The following MEIS3 variants were observed in gnomAD, a reference collection of about 807,000 sequenced individuals.
MEIS3 encodes the protein Meis homeobox 3.
Under a neutral mutation model 51.4 loss-of-function variants are expected in MEIS3, and 38 were observed. That is an observed-to-expected ratio of 0.74 (90% CI 0.57 to 0.97). The LOEUF (loss-of-function observed/expected upper bound fraction) is 0.97, where lower values mean the gene tolerates loss of function less well. MEIS3 is among the 50% of genes least tolerant of loss of function. MEIS3 has a pLI of 0.00. For synonymous variants in MEIS3, 198 were observed against 201.8 expected, an observed-to-expected ratio of 0.98 and a Z score of 0.16; for missense variants, 456 against 502.6, an observed-to-expected ratio of 0.91 and a Z score of 0.89.
chr19:47,419,614 A>T (rs117390197), upstream of MEIS3: 1 of 55,956 alleles, frequency 1.8e-5, no homozygotes, highest in African/African-American at 8.3e-5. Flanking sequence ...AGCACGAGGG[A>T]TTGGGGTTAG....
rs148540760 is a variant in MEIS3 at position 47,416,535 on chromosome 19, T to C, written c.396+117A>G. The C allele has an allele frequency of 2.8e-4, 226 of 811,122 alleles. No individual in the cohort carries two copies. The East Asian group carries it at 5.3e-3, about 19-fold the overall frequency. The allele number at this position is 811,122 out of a possible 1,614,324, so 50.2% of individuals were successfully genotyped here. A position where few individuals can be genotyped will look rare whatever the true frequency, so the allele number is the denominator to read the frequency against. On this transcript the variant is annotated intron_variant, in intron 4 of 12. Transcript: ENST00000558555. ...GCACGTGGGCAACAATCATGACGGTTTGGGGACATGGACCAGGTGGCCTTC... is the reference window on the plus strand; with the variant it reads ...GCACGTGGGCAACAATCATGACGGTCTGGGGACATGGACCAGGTGGCCTTC...
At chr19:47,414,689 C>T (rs556628730) in intron 6 of MEIS3, 28 bp downstream of exon 6, 30 of 1,561,322 alleles carry the variant, frequency 1.9e-5, no homozygotes, top group East Asian at 1.4e-4. Context: ...GGCTGCAGGA[C>T]GATGCCTGGT....
chr19:47,417,891 C>T lies in MEIS3; in HGVS notation c.13-541G>A, dbSNP rs1225979402. 12 of 590,068 alleles carry T rather than the reference C, an allele frequency of 2.0e-5. No individual in the cohort carries two copies. In the Middle Eastern group the frequency reaches 1.3e-3, roughly 64 times the overall value. 36.6% of individuals were successfully genotyped at this position (590,068 alleles called of 1,614,324 possible). A position where few individuals can be genotyped will look rare whatever the true frequency, so the allele number is the denominator to read the frequency against. ...CCATACACACCAACCCACGTGCACA[C>T]TCATGTGTCAGTCACACCCAAATCC... On this transcript the variant is annotated intron_variant, in intron 1 of 12. Coordinates refer to ENST00000558555, the MANE Select transcript of MEIS3 (RefSeq NM_001301059.2).
chr19:47,420,702 T>C (rs1971675797), upstream of MEIS3, among the ~76,000 whole-genome samples: 1 of 150,792 alleles, frequency 6.6e-6, no homozygotes, highest in African/African-American at 2.4e-5. Flanking sequence ...CATAAATCTT[T>C]CTAATTAAAG....
At chr19:47,417,758 CCT>C (rs1251123234) in intron 1 of MEIS3, 2 of 651,280 alleles carry the variant, frequency 3.1e-6, no homozygotes, top group Admixed American at 4.7e-5. Flanking sequence ...ACGAAGCCTC[CCT>C]GTCTTCTATT....
upstream of MEIS3, among the ~76,000 whole-genome samples, chr19:47,420,667 A>C (rs1971674954): frequency 6.6e-6 from 1 of 151,698 alleles, no homozygotes; most frequent in Non-Finnish European, 1.5e-5. Context: ...CCCCAAAACA[A>C]GAGCAGGGGG....
rs1288308469 is a variant in MEIS3, at chr19:47,419,222, C to T, written c.-141G>A. On this transcript the variant is annotated 5_prime_UTR_variant, in exon 1 of 13. Transcript: ENST00000558555. ...AGGCCAGGCGCGCGCCCCCCCACCCCCGCCGCCGTCAGCGGCAGGCGCCGG... is the reference window on the plus strand; with the variant it reads ...AGGCCAGGCGCGCGCCCCCCCACCCTCGCCGCCGTCAGCGGCAGGCGCCGG... The T allele has an allele frequency of 2.0e-6, 1 of 494,156 alleles. No individual in the cohort carries two copies. Among genetic ancestry groups the T allele is most frequent in the East Asian group, 4.1e-5 (1 of 24,518 alleles). The allele number at this position is 494,156 out of a possible 1,614,324, so 30.6% of individuals were successfully genotyped here. A position where few individuals can be genotyped will look rare whatever the true frequency, so the allele number is the denominator to read the frequency against.
In MEIS3 at chr19:47,416,888, G is replaced by A. The variant is rs555035952; in HGVS notation, c.261C>T (p.Ala87=). Residue 87 remains alanine (A), a synonymous_variant, in exon 3 of 13, where the codon GCC becomes GCT. Transcript: ENST00000558555. ...CAGGGGGTGTCCCCAGCCCAGCTCC[G>A]GCCCCGTCACGGGGAGAGCATGTAG... ...ELATCSPRDG[A]GAGLGTPPGG... The A allele has an allele frequency of 1.0e-4, 164 of 1,613,784 alleles. 1 individual carries two copies. The South Asian group carries it at 1.4e-3, about 14-fold the overall frequency.
intron 1 of MEIS3, 86 bp from the exon 2 acceptor site, chr19:47,417,436 A>T: frequency 3.4e-6 from 5 of 1,478,106 alleles, no homozygotes; most frequent in African/African-American, 1.4e-5. Flanking sequence ...CTATCCTGGA[A>T]CCCAGGAGAT....
chr19:47,416,734 T>C, intron 3 of MEIS3, 32 bp from the exon 4 acceptor site: 1 of 1,609,622 alleles, frequency 6.2e-7, no homozygotes, highest in South Asian at 1.1e-5. Flanking sequence ...GGCAGGGGGA[T>C]GTCCCGCCTT....
intron 5 of MEIS3, 34 bp downstream of exon 5, chr19:47,415,017 C>T: frequency 1.3e-6 from 2 of 1,526,124 alleles, no homozygotes; most frequent in Non-Finnish European, 1.8e-6. Context: ...ATGACAGGGG[C>T]AAGTGAGGGT....
In MEIS3 at chr19:47,409,450, T is replaced by C. The variant is rs1971013482; in HGVS notation, c.695A>G (p.Asn232Ser). Residue 232 changes from asparagine (N) to serine (S), a missense_variant, in exon 7 of 13, where the codon AAC becomes AGC. Physicochemically the swap from Asn to Ser is conservative, Grantham distance 46. Coordinates refer to ENST00000558555, the MANE Select transcript of MEIS3 (RefSeq NM_001301059.2). ...AAGATTCTCACCTTGGTCACTGGAG[T>C]TGTCCCCACTCTGGGAGGCCAGGCC... ...SGGLASQSGD[N>S]SSDQGDGLDT... is the part of the protein sequence containing the mutation. 1 of 1,613,782 alleles carries C rather than the reference T, an allele frequency of 6.2e-7. No homozygotes were observed. Among genetic ancestry groups the C allele is most frequent in the African/African-American group, 1.3e-5 (1 of 75,040 alleles).
intron 12 of MEIS3, chr19:47,405,902 G>A (rs1297556127): frequency 6.5e-6 from 1 of 152,976 alleles, no homozygotes; most frequent in African/African-American, 2.4e-5. Flanking sequence ...GTGTATGTAG[G>A]TATGGATGGA....
chr19:47,410,458 A>G (rs964559085), intron 6 of MEIS3, among the ~76,000 whole-genome samples: 3 of 151,514 alleles, frequency 2.0e-5, no homozygotes, highest in Admixed American at 6.6e-5. Context: ...GTCTCAAAAA[A>G]AAAAAAAAAA....
At chr19:47,407,238 G>C in intron 9 of MEIS3, 101 bp from the exon 10 acceptor site, 2 of 1,484,438 alleles carry the variant, frequency 1.3e-6, no homozygotes, top group South Asian at 1.3e-5. Context: ...GGGGGAGGCA[G>C]AGCGGGGCGA....
chr19:47,420,586 T>TGAGACAGACAGA (rs1971671527), upstream of MEIS3, among the ~76,000 whole-genome samples: 1 of 62,346 alleles, frequency 1.6e-5, no homozygotes, highest in Non-Finnish European at 3.3e-5. Flanking sequence ...GCAGACAGAG[T>TGAGACAGACAGA]GAGACAGACA....
At chr19:47,417,800 AGAGT>A (rs1463774322) in intron 1 of MEIS3, 1 of 628,078 alleles carries the variant, frequency 1.6e-6, no homozygotes, top group East Asian at 2.7e-5. Context: ...TAAGCGCATC[AGAGT>A]AAGTCTCAAC....
chr19:47,415,205 A>G, intron 4 of MEIS3, 104 bp from the exon 5 acceptor site: 1 of 754,852 alleles, frequency 1.3e-6, no homozygotes, highest in Non-Finnish European at 2.3e-6. Flanking sequence ...ACACAGAGAA[A>G]CAGAAAGAGT....
intron 12 of MEIS3, 22 bp downstream of exon 12, chr19:47,406,438 C>T (rs779546617): frequency 1.3e-5 from 21 of 1,604,290 alleles, no homozygotes; most frequent in Middle Eastern, 1.9e-4. Context: ...TTGCACAATC[C>T]CCAGCCCTTA....
Sources: gnomAD v4.1 joint callset for allele counts (sites outside exome capture counted in the v4.1 genomes callset) on GRCh38, gnomAD v4.1.1 for gene constraint, MANE v1.5 for transcripts, NCBI Gene and HGNC (gene_info 2026-07-23, HGNC 2026-07-21) for gene names.